Variants in FSTL5 observed in about 807,000 individuals in gnomAD.
The protein encoded by FSTL5 is follistatin-related protein 5.
A neutral mutation model predicts 89.1 loss-of-function variants in FSTL5; 62 were observed. The ratio of observed to expected loss-of-function variants is 0.70; its 90% confidence interval spans 0.57 to 0.86. The LOEUF is 0.86. Ranked by LOEUF, FSTL5 falls within the 40% of genes least tolerant of loss-of-function variation. The pLI is 0.00. For missense variants in FSTL5, 1,057 were observed against 1,001.6 expected (o/e 1.06, Z -0.75); for synonymous variants, 383 against 346.2 (o/e 1.11, Z -1.18).
chr4:161,744,493 G>C (rs1335086479), intron 6 of FSTL5, among the ~76,000 whole-genome samples: 2 of 152,106 alleles, frequency 1.3e-5, no homozygotes, highest in Non-Finnish European at 2.9e-5. Context: ...TGGTAAATGA[G>C]AAAGGCAAGT....
chr4:161,661,048 C>T (rs533630701), intron 6 of FSTL5, among the ~76,000 whole-genome samples: 66 of 151,976 alleles, frequency 4.3e-4, no homozygotes, highest in Admixed American at 6.6e-5. Flanking sequence ...GTTGAACCAT[C>T]GTGGAAGACG....
At chr4:161,439,526 A>G (rs1011219845) in intron 15 of FSTL5, among the ~76,000 whole-genome samples, 4 of 152,230 alleles carry the variant, frequency 2.6e-5, no homozygotes, top group African/African-American at 9.6e-5. Context: ...TATGGTTGTT[A>G]TGATTAAAAA....
chr4:162,054,602 G>A (rs1239803472), intron 2 of FSTL5, among the ~76,000 whole-genome samples: 3 of 151,818 alleles, frequency 2.0e-5, no homozygotes, highest in Admixed American at 6.6e-5. Flanking sequence ...AATTCTCCCT[G>A]TTGAAAATAA....
chr4:161,836,349 A>G (rs1731040637), intron 4 of FSTL5, among the ~76,000 whole-genome samples: 1 of 151,582 alleles, frequency 6.6e-6, no homozygotes, highest in Admixed American at 6.6e-5. Flanking sequence ...GATATACCTA[A>G]TGCTAAATGA....
chr4:161,848,910 A>G (rs1283510987), intron 4 of FSTL5, among the ~76,000 whole-genome samples: 2 of 151,594 alleles, frequency 1.3e-5, no homozygotes, highest in East Asian at 3.9e-4. Context: ...GGCTGGGGAA[A>G]CATAGCCATC....
At position 161,656,154 on chromosome 4, in the gene FSTL5, A is replaced by T. The variant is rs139343813; in HGVS notation, c.894+174T>A. ...GCTATACCAATACAAATGATTTGGA[A>T]AATTCCAAAGGACCTATAGTGCACC... On this transcript the variant is annotated intron_variant, in intron 7 of 15. Transcript: ENST00000306100. 6.0e-3 allele frequency among the ~76,000 whole-genome samples: 917 copies of T among 152,278 alleles called. 9 individuals are homozygous for T. The highest frequency in any genetic ancestry group is 0.046 in the South Asian group (220 of 4,830).
At chr4:161,922,385 T>C (rs768069994) in intron 3 of FSTL5, among the ~76,000 whole-genome samples, 5 of 152,080 alleles carry the variant, frequency 3.3e-5, no homozygotes. Flanking sequence ...TTTACTTATG[T>C]AACCAACCTG....
At chr4:161,509,876 T>C (rs191394262) in intron 11 of FSTL5, among the ~76,000 whole-genome samples, 2 of 152,268 alleles carry the variant, frequency 1.3e-5, no homozygotes, top group Admixed American at 1.3e-4. Context: ...TGTTAATAAC[T>C]AAAGAACTGA....
chr4:162,089,326 C>T (rs923989227), intron 2 of FSTL5, among the ~76,000 whole-genome samples: 13 of 152,022 alleles, frequency 8.6e-5, no homozygotes, highest in Admixed American at 7.2e-4. Flanking sequence ...TTTTCTGAAT[C>T]ACTGCCTTAA....
At chr4:161,396,738 A>G (rs887670121) in intron 15 of FSTL5, among the ~76,000 whole-genome samples, 2 of 151,962 alleles carry the variant, frequency 1.3e-5, no homozygotes, top group African/African-American at 4.8e-5. Context: ...CTGTAAAAAA[A>G]AAAACAGCAA....
chr4:161,449,681 T>A (rs575727131), intron 15 of FSTL5, among the ~76,000 whole-genome samples: 29 of 152,120 alleles, frequency 1.9e-4, no homozygotes, highest in Non-Finnish European at 4.0e-4. Context: ...GGAGAAGAAA[T>A]GGGAAAGGAA....
intron 7 of FSTL5, among the ~76,000 whole-genome samples, chr4:161,655,128 C>T (rs1328025120): frequency 1.3e-5 from 2 of 151,932 alleles, no homozygotes; most frequent in Admixed American, 1.3e-4. Flanking sequence ...TCTTTATTGT[C>T]TTTTGATTTT....
intron 3 of FSTL5, among the ~76,000 whole-genome samples, chr4:161,954,044 T>C (rs1734965298): frequency 6.6e-6 from 1 of 151,596 alleles, no homozygotes; most frequent in African/African-American, 2.4e-5. Flanking sequence ...CAAAGTATTA[T>C]GTGTTAGAGG....
At chr4:162,128,592 A>G (rs181597436) in intron 1 of FSTL5, among the ~76,000 whole-genome samples, 65 of 152,274 alleles carry the variant, frequency 4.3e-4, no homozygotes, top group African/African-American at 1.5e-3. Flanking sequence ...GACATTTATA[A>G]CCTTCCCAGC....
At chr4:162,037,492 G>A (rs1261802520) in intron 2 of FSTL5, among the ~76,000 whole-genome samples, 1 of 151,870 alleles carries the variant, frequency 6.6e-6, no homozygotes, top group Non-Finnish European at 1.5e-5. Flanking sequence ...GCCAATCCTA[G>A]TTGAGTTTTG....
intron 2 of FSTL5, among the ~76,000 whole-genome samples, chr4:162,086,838 G>A (rs1730342121): frequency 6.6e-6 from 1 of 151,930 alleles, no homozygotes; most frequent in African/African-American, 2.4e-5. Context: ...CTTCAATAAT[G>A]TTCAATAGTT....
chr4:161,945,316 G>A (rs1734704776), intron 3 of FSTL5, among the ~76,000 whole-genome samples: 1 of 152,182 alleles, frequency 6.6e-6, no homozygotes, highest in Non-Finnish European at 1.5e-5. Flanking sequence ...GTTATATGTT[G>A]CATGCTATAG....
intron 4 of FSTL5, among the ~76,000 whole-genome samples, chr4:161,801,375 C>T (rs897251882): frequency 2.6e-5 from 4 of 151,470 alleles, no homozygotes; most frequent in Non-Finnish European, 4.4e-5. Context: ...TGTAGAAGAA[C>T]GAATGGAGCC....
intron 4 of FSTL5, among the ~76,000 whole-genome samples, chr4:161,879,839 T>C (rs1295588083): frequency 6.6e-6 from 1 of 152,236 alleles, no homozygotes; most frequent in Non-Finnish European, 1.5e-5. Context: ...CACTTACCAC[T>C]ATCCAGCATA....
Sources: allele counts gnomAD v4.1 joint callset (sites outside exome capture counted in the v4.1 genomes callset), GRCh38; gene constraint gnomAD v4.1.1; transcripts MANE v1.5; gene names NCBI Gene and HGNC (gene_info 2026-07-23, HGNC 2026-07-21).